NME7: variants seen among roughly 807,000 people sequenced by gnomAD.
NME7 encodes the protein NME/NM23 family member 7, also known as nucleoside diphosphate kinase 7.
In NME7, 41 loss-of-function variants were observed where a neutral mutation model predicts 49.1. That is an observed-to-expected ratio of 0.83 (90% CI 0.65 to 1.08). The LOEUF (loss-of-function observed/expected upper bound fraction) is 1.08. Ranked by LOEUF, NME7 falls within the 50% of genes least tolerant of loss-of-function variation. The probability of loss-of-function intolerance (pLI) is 0.00; values close to 1 mark genes in which losing one functional copy is unlikely to be tolerated. For synonymous variants in NME7, 139 were observed against 150.6 expected (o/e 0.92, Z 0.56); for missense variants, 423 against 463.4 (o/e 0.91, Z 0.80).
intron 3 of NME7, among the ~76,000 whole-genome samples, chr1:169,317,219 G>A (rs1015438618): frequency 1.3e-5 from 2 of 152,110 alleles, no homozygotes; most frequent in African/African-American, 2.4e-5. Flanking sequence ...ACCCAAATAC[G>A]CTATCAATCA....
At chr1:169,204,148 A>C (rs1339762861) in intron 10 of NME7, among the ~76,000 whole-genome samples, 6 of 151,326 alleles carry the variant, frequency 4.0e-5, no homozygotes, top group African/African-American at 1.5e-4. Flanking sequence ...GAGTCACCAC[A>C]CCAGGCCAGG....
intron 5 of NME7, among the ~76,000 whole-genome samples, chr1:169,300,454 T>C (rs1340739591): frequency 6.6e-6 from 1 of 152,290 alleles, no homozygotes; most frequent in South Asian, 2.1e-4. Flanking sequence ...TTGGCTGATG[T>C]AACATTCTTT....
intron 1 of NME7, among the ~76,000 whole-genome samples, chr1:169,366,016 G>A (rs925892): frequency 0.66 from 101,030 of 152,074 alleles, 33,799 homozygotes; most frequent in East Asian, 0.93. Context: ...AGATGTGTCC[G>A]GGAAGCAACT....
intron 10 of NME7, chr1:169,190,788 T>C (rs1232022565): frequency 2.3e-5 from 4 of 173,718 alleles, no homozygotes; most frequent in Non-Finnish European, 2.3e-5. Context: ...AGGAAGCAAG[T>C]GAACTGTTTC....
At chr1:169,250,870 T>G (rs1453159836) in intron 7 of NME7, among the ~76,000 whole-genome samples, 1 of 152,118 alleles carries the variant, frequency 6.6e-6, no homozygotes, top group Admixed American at 6.6e-5. Flanking sequence ...TAAAAATTTA[T>G]AGAGACTTGT....
intron 10 of NME7, among the ~76,000 whole-genome samples, chr1:169,204,613 G>A (rs1450327471): frequency 1.3e-5 from 2 of 151,916 alleles, no homozygotes; most frequent in Non-Finnish European, 1.5e-5. Flanking sequence ...GCACTCTCTC[G>A]GAAACCTTAC....
intron 11 of NME7, among the ~76,000 whole-genome samples, chr1:169,148,772 T>C (rs973940215): frequency 1.3e-5 from 2 of 152,152 alleles, no homozygotes; most frequent in African/African-American, 4.8e-5. Context: ...CTGGACAGTG[T>C]TGGTGGTTGG....
chr1:169,334,166 A>G (rs939508764), intron 1 of NME7, among the ~76,000 whole-genome samples: 1 of 152,126 alleles, frequency 6.6e-6, no homozygotes, highest in Non-Finnish European at 1.5e-5. Flanking sequence ...TAGTCAATCT[A>G]TTTCAAGCCA....
intron 7 of NME7, among the ~76,000 whole-genome samples, chr1:169,241,451 T>C (rs1354754851): frequency 6.6e-6 from 1 of 151,794 alleles, no homozygotes; most frequent in African/African-American, 2.4e-5. Context: ...TCATTAATGA[T>C]AATAAAAAAA....
intron 10 of NME7, among the ~76,000 whole-genome samples, chr1:169,212,248 A>T (rs1040246047): frequency 2.0e-4 from 30 of 152,160 alleles, no homozygotes; most frequent in African/African-American, 6.8e-4. Flanking sequence ...CTATTTACTT[A>T]ATAAATTTGT....
At chr1:169,282,216 A>G (rs545699039) in intron 7 of NME7, among the ~76,000 whole-genome samples, 1 of 152,060 alleles carries the variant, frequency 6.6e-6, no homozygotes. Flanking sequence ...TTTCTTCTAG[A>G]TTTTCTAGTT....
intron 10 of NME7, among the ~76,000 whole-genome samples, chr1:169,210,488 A>G (rs1408413981): frequency 6.6e-6 from 1 of 152,128 alleles, no homozygotes; most frequent in Non-Finnish European, 1.5e-5. Context: ...TGGGGGTTGG[A>G]ACATTGGTAT....
intron 1 of NME7, among the ~76,000 whole-genome samples, chr1:169,360,722 T>C (rs1384114523): frequency 6.6e-6 from 1 of 152,044 alleles, no homozygotes; most frequent in Non-Finnish European, 1.5e-5. Flanking sequence ...CACATCCTCA[T>C]GAGGACCGTC....
intron 3 of NME7, among the ~76,000 whole-genome samples, chr1:169,316,935 A>G (rs1207457055): frequency 3.1e-5 from 2 of 65,000 alleles, no homozygotes; most frequent in Non-Finnish European, 9.5e-5. Context: ...CATATAATAG[A>G]AAAAAAAAAC....
At chr1:169,254,252 T>G (rs1399465015) in intron 7 of NME7, among the ~76,000 whole-genome samples, 1 of 151,882 alleles carries the variant, frequency 6.6e-6, no homozygotes, top group East Asian at 2.0e-4. Context: ...CCTGTTATTG[T>G]TCTATTCAGA....
At chr1:169,177,545 G>A (rs749957197) in intron 10 of NME7, among the ~76,000 whole-genome samples, 31 of 152,098 alleles carry the variant, frequency 2.0e-4, no homozygotes, top group Non-Finnish European at 3.8e-4. Context: ...CCAGCACTTT[G>A]GGAGGCTAAG....
chr1:169,206,772 T>C (rs867770225), intron 10 of NME7, among the ~76,000 whole-genome samples: 11 of 152,184 alleles, frequency 7.2e-5, no homozygotes, highest in African/African-American at 2.4e-4. Context: ...AATTTTAAAA[T>C]AGCAATGACT....
chr1:169,360,066 C>T (rs1205977034), intron 1 of NME7, among the ~76,000 whole-genome samples: 1 of 152,152 alleles, frequency 6.6e-6, no homozygotes, highest in Non-Finnish European at 1.5e-5. Context: ...AAGTAAGATA[C>T]TTCAATCATA....
intron 7 of NME7, among the ~76,000 whole-genome samples, chr1:169,271,075 TA>T (rs36103852): frequency 0.11 from 14,328 of 133,132 alleles, 3,819 homozygotes; most frequent in Non-Finnish European, 0.15. Context: ...TCTGCATATC[TA>T]AAAAGACCAC....
Sources: gnomAD v4.1 joint callset for allele counts (sites outside exome capture counted in the v4.1 genomes callset) on GRCh38, gnomAD v4.1.1 for gene constraint, MANE v1.5 for transcripts, NCBI Gene and HGNC (gene_info 2026-07-23, HGNC 2026-07-21) for gene names.